CACNB4: variants seen among roughly 807,000 people sequenced by gnomAD.
The protein encoded by CACNB4 is calcium voltage-gated channel auxiliary subunit beta 4.
In CACNB4, 32 loss-of-function variants were observed where a neutral mutation model predicts 71.2. The observed-to-expected ratio is 0.45, with a 90% CI of 0.34 to 0.60. The LOEUF is 0.60. CACNB4 is among the 20% of genes least tolerant of loss of function. The pLI is 0.01. For missense variants in CACNB4, 464 were observed against 647.9 expected (o/e 0.72, Z 3.08); for synonymous variants, 231 against 236.9 (o/e 0.97, Z 0.23).
At chr2:152,067,789 G>A (rs1560176167) in intron 2 of CACNB4, among the ~76,000 whole-genome samples, 2 of 152,186 alleles carry the variant, frequency 1.3e-5, no homozygotes, top group Non-Finnish European at 2.9e-5. Context: ...TACCTGTGGT[G>A]AACTGGGATG....
chr2:152,064,711 A>G (rs1190564487), intron 2 of CACNB4, among the ~76,000 whole-genome samples: 1 of 152,216 alleles, frequency 6.6e-6, no homozygotes, highest in Non-Finnish European at 1.5e-5. Context: ...TAGTACATAC[A>G]TATGTTCTTC....
intron 2 of CACNB4, among the ~76,000 whole-genome samples, chr2:152,068,745 A>G (rs1223947516): frequency 6.6e-6 from 1 of 152,054 alleles, no homozygotes; most frequent in Non-Finnish European, 1.5e-5. Context: ...ATTAGTATAG[A>G]TTTATTATAT....
intron 12 of CACNB4, among the ~76,000 whole-genome samples, chr2:151,849,757 C>T (rs915427438): frequency 2.6e-5 from 4 of 152,116 alleles, no homozygotes; most frequent in Admixed American, 2.6e-4. Flanking sequence ...CCAGGTCAGC[C>T]GCCAGCTGAA....
At chr2:151,949,144 A>G (rs995363663) in intron 2 of CACNB4, among the ~76,000 whole-genome samples, 3 of 151,480 alleles carry the variant, frequency 2.0e-5, no homozygotes, top group Non-Finnish European at 4.4e-5. Flanking sequence ...ACTTTAATTC[A>G]ATTAACACGT....
intron 2 of CACNB4, among the ~76,000 whole-genome samples, chr2:151,957,374 T>C (rs921685614): frequency 1.3e-5 from 2 of 152,010 alleles, no homozygotes; most frequent in Non-Finnish European, 2.9e-5. Context: ...TCTTGATTCC[T>C]GGAGGAATTA....
intron 8 of CACNB4, chr2:151,870,220 T>C: frequency 2.9e-6 from 2 of 698,578 alleles, no homozygotes; most frequent in East Asian, 2.7e-5. Flanking sequence ...ATAATGAGAA[T>C]GGTCAAGACA....
At chr2:151,959,030 T>C (rs2099868999) in intron 2 of CACNB4, among the ~76,000 whole-genome samples, 1 of 152,202 alleles carries the variant, frequency 6.6e-6, no homozygotes, top group South Asian at 2.1e-4. Context: ...AATAATTCCT[T>C]GGAGTCTAAG....
At chr2:151,903,119 T>C (rs116602033) in intron 2 of CACNB4, among the ~76,000 whole-genome samples, 2,447 of 152,316 alleles carry the variant, frequency 0.016, 53 homozygotes, top group African/African-American at 0.056. Flanking sequence ...TTTACTAAGA[T>C]TAGGTATAAA....
At chr2:152,018,646 T>C (rs1683480074) in intron 2 of CACNB4, among the ~76,000 whole-genome samples, 1 of 151,704 alleles carries the variant, frequency 6.6e-6, no homozygotes, top group African/African-American at 2.4e-5. Context: ...CTACAGAAAA[T>C]ACAAAAATTA....
intron 2 of CACNB4, among the ~76,000 whole-genome samples, chr2:151,922,859 T>C (rs766369584): frequency 6.6e-6 from 1 of 152,250 alleles, no homozygotes; most frequent in South Asian, 2.1e-4. Context: ...AGTTGATTCC[T>C]AAAAGATCAA....
intron 2 of CACNB4, among the ~76,000 whole-genome samples, chr2:152,054,706 T>C (rs1259182112): frequency 6.6e-6 from 1 of 152,220 alleles, no homozygotes; most frequent in African/African-American, 2.4e-5. Flanking sequence ...TGTATGAGGA[T>C]TCCAATTTCC....
chr2:151,929,886 G>A (rs189323688), intron 2 of CACNB4, among the ~76,000 whole-genome samples: 1 of 152,188 alleles, frequency 6.6e-6, no homozygotes, highest in East Asian at 1.9e-4. Flanking sequence ...AGAAGGTCAT[G>A]CTTTGTTCTA....
At chr2:152,039,930 C>T (rs918207519) in intron 2 of CACNB4, among the ~76,000 whole-genome samples, 5 of 152,020 alleles carry the variant, frequency 3.3e-5, no homozygotes, top group South Asian at 2.1e-4. Flanking sequence ...TTGTGTACAC[C>T]GAAGACATAA....
At position 151,842,041 on chromosome 2, in the gene CACNB4, A is replaced by G. The variant is rs759856548; in HGVS notation, c.1164T>C (p.Cys388=). 8.1e-6 allele frequency: 13 copies of G among 1,613,914 alleles called. No homozygotes were observed. Among genetic ancestry groups the G allele is most frequent in the Non-Finnish European group, 1.1e-5 (13 of 1,179,844 alleles). The part of the protein sequence containing the change: ...ILDENQLEDA[C]EHLGEYLEAY... ...CCTCCAGGTACTCCCCTAGATGTTC[A>G]CATGCATCCTCAAGCTGATTTTCAT... The change falls in exon 13 of 14, where the codon TGT becomes TGC. Residue 388 remains cysteine (C), a synonymous_variant. Coordinates refer to ENST00000539935, the MANE Select transcript of CACNB4 (RefSeq NM_000726.5).
chr2:152,049,066 GTA>G (rs1028756247), intron 2 of CACNB4, among the ~76,000 whole-genome samples: 3 of 152,036 alleles, frequency 2.0e-5, no homozygotes, highest in Non-Finnish European at 2.9e-5. Flanking sequence ...CGGTAGCCTT[GTA>G]TGTTTTTCAG....
chr2:151,933,370 A>G (rs562416850), intron 2 of CACNB4, among the ~76,000 whole-genome samples: 48 of 152,094 alleles, frequency 3.2e-4, no homozygotes, highest in African/African-American at 1.1e-3. Context: ...CATCCTGACC[A>G]TGTCTCACTT....
At chr2:152,092,378 A>G (rs111421873) in intron 2 of CACNB4, among the ~76,000 whole-genome samples, 203 of 152,352 alleles carry the variant, frequency 1.3e-3, no homozygotes, top group Middle Eastern at 3.4e-3. Context: ...TATAACCCCA[A>G]GAATTTGTTT....
chr2:152,034,989 T>C (rs1285579926), intron 2 of CACNB4, among the ~76,000 whole-genome samples: 2 of 152,214 alleles, frequency 1.3e-5, no homozygotes, highest in African/African-American at 4.8e-5. Context: ...GTTGATCAAG[T>C]GGCACCTGCT....
At chr2:152,060,555 C>T (rs1489679063) in intron 2 of CACNB4, among the ~76,000 whole-genome samples, 1 of 152,148 alleles carries the variant, frequency 6.6e-6, no homozygotes, top group Non-Finnish European at 1.5e-5. Flanking sequence ...ATTAGCTATT[C>T]CACAACTCAT....
Sources: allele counts gnomAD v4.1 joint callset (sites outside exome capture counted in the v4.1 genomes callset), GRCh38; gene constraint gnomAD v4.1.1; transcripts MANE v1.5; gene names NCBI Gene and HGNC (gene_info 2026-07-23, HGNC 2026-07-21).